PIWIL3: variants seen among roughly 807,000 people sequenced by gnomAD.
PIWIL3 encodes piwi like RNA-mediated gene silencing 3.
PIWIL3 carries 101 observed loss-of-function variants against 109.7 expected under a neutral mutation model. The observed-to-expected ratio is 0.92, with a 90% CI of 0.78 to 1.09. PIWIL3 has a LOEUF of 1.09. Ranked by LOEUF, PIWIL3 falls within the 50% of genes least tolerant of loss-of-function variation. PIWIL3 has a pLI of 0.00. For synonymous variants in PIWIL3, 373 were observed against 376.4 expected, an observed-to-expected ratio of 0.99 and a Z score of 0.10; for missense variants, 1,031 against 1,072.6, an observed-to-expected ratio of 0.96 and a Z score of 0.54.
At chr22:24,757,079 C>CA (rs71189275) in intron 4 of PIWIL3, among the ~76,000 whole-genome samples, 13,727 of 90,970 alleles carry the variant, frequency 0.15, 963 homozygotes, top group Admixed American at 0.22. Flanking sequence ...AACTCCGTCT[C>CA]AAAAAAAAAA....
intron 12 of PIWIL3, among the ~76,000 whole-genome samples, chr22:24,740,845 G>T (rs1923963451): frequency 6.6e-6 from 1 of 152,138 alleles, no homozygotes; most frequent in Non-Finnish European, 1.5e-5. Flanking sequence ...AAGAAGAATT[G>T]GTGCCAATCC....
In PIWIL3 at chr22:24,772,040, A is replaced by T. The variant is rs530323813; in HGVS notation, c.-23+2282T>A. On this transcript the variant is annotated intron_variant, in intron 1 of 20. Transcript: ENST00000616349. ...CTATAGTGCTCAGTTGGCCAACAGA[A>T]CTGTGTTGGTAGCCTACTCTTACTG... is the stretch of plus-strand genomic sequence containing the variant. Among the ~76,000 whole-genome samples the T allele has an allele frequency of 1.4e-4, 22 of 152,302 alleles. No individual in the cohort carries two copies. In the South Asian group the frequency reaches 4.6e-3, roughly 32 times the overall value.
chr22:24,772,612 C>A (rs1926191280), intron 1 of PIWIL3, among the ~76,000 whole-genome samples: 1 of 152,178 alleles, frequency 6.6e-6, no homozygotes, highest in South Asian at 2.1e-4. Flanking sequence ...TGGAGAAGAG[C>A]CCTGGCAAAG....
intron 19 of PIWIL3, among the ~76,000 whole-genome samples, 194 bp downstream of exon 19, chr22:24,722,936 G>A (rs917584054): frequency 1.3e-5 from 2 of 152,020 alleles, no homozygotes; most frequent in East Asian, 1.9e-4. Context: ...AAGAAACTTC[G>A]ACAACCAGAA....
chr22:24,723,969 C>T (rs1159946822), intron 18 of PIWIL3, among the ~76,000 whole-genome samples: 1 of 152,140 alleles, frequency 6.6e-6, no homozygotes. Flanking sequence ...TGAGCCACCA[C>T]GCCAGGCCAT....
intron 18 of PIWIL3, among the ~76,000 whole-genome samples, chr22:24,723,761 C>T (rs1199081822): frequency 6.6e-6 from 1 of 150,970 alleles, no homozygotes; most frequent in Non-Finnish European, 1.5e-5. Flanking sequence ...TGCAACCTCC[C>T]TCTCCCAAGT....
intron 8 of PIWIL3, among the ~76,000 whole-genome samples, chr22:24,753,442 A>G (rs1412489945): frequency 6.6e-6 from 1 of 152,172 alleles, no homozygotes; most frequent in Non-Finnish European, 1.5e-5. Context: ...TCAGCTGACG[A>G]AGTGGAGGGT....
intron 12 of PIWIL3, among the ~76,000 whole-genome samples, chr22:24,744,422 A>T (rs1433904534): frequency 6.6e-6 from 1 of 151,864 alleles, no homozygotes; most frequent in Non-Finnish European, 1.5e-5. Context: ...ATACAAAAAA[A>T]ATTAGCTGGG....
rs532953812 is a variant in PIWIL3, at chr22:24,730,605, G to T, written c.1708-2231C>A. On this transcript the variant is annotated intron_variant, in intron 14 of 20. Transcript: ENST00000616349. ...AAATGTTTGGGTTATCTGGATGATG[G>T]GTATACAGGGGGTATTTGTATTATT... Among the ~76,000 whole-genome samples the T allele has an allele frequency of 2.0e-5, 3 of 151,994 alleles. 1 individual carries two copies. The highest frequency in any genetic ancestry group is 7.2e-5 in the African/African-American group (3 of 41,456).
At chr22:24,772,146 A>G (rs11090344) in intron 1 of PIWIL3, among the ~76,000 whole-genome samples, 66,436 of 152,058 alleles carry the variant, frequency 0.44, 14,776 homozygotes, top group East Asian at 0.59. Flanking sequence ...AGCAATTACA[A>G]AAGAAGCAGT....
In PIWIL3 at chr22:24,755,912, T is replaced by A; in HGVS notation, c.571-7A>T. 1 of 1,582,976 alleles carries A rather than the reference T, an allele frequency of 6.3e-7. No homozygotes were observed. Among genetic ancestry groups the A allele is most frequent in the Non-Finnish European group, 8.6e-7 (1 of 1,169,564 alleles). ...TGCTCAACCATTCCACTCTCTGAGA[T>A]TAAAAAAAAACAAAAAAAAAAGTCC... is the stretch of plus-strand genomic sequence containing the variant. On this transcript the variant is annotated splice_region_variant and splice_polypyrimidine_tract_variant and intron_variant, in intron 5 of 20. Transcript: ENST00000616349.
rs558401799 is a variant in PIWIL3 at position 24,773,381 on chromosome 22, G to A, written c.-23+941C>T. 1.4e-4 allele frequency among the ~76,000 whole-genome samples: 21 copies of A among 152,274 alleles called. No individual in the cohort carries two copies. In the South Asian group the frequency reaches 4.4e-3, roughly 32 times the overall value. ...ACTTTCTCCTCTTTTCCTGTCTGCAGTGGAGGTCCCGGCAGGACCCCCTCC... is the reference window on the plus strand; with the variant it reads ...ACTTTCTCCTCTTTTCCTGTCTGCAATGGAGGTCCCGGCAGGACCCCCTCC... On this transcript the variant is annotated intron_variant, in intron 1 of 20. Transcript: ENST00000616349.
At chr22:24,764,892 AAC>A (rs1925698223) in intron 1 of PIWIL3, among the ~76,000 whole-genome samples, 1 of 152,134 alleles carries the variant, frequency 6.6e-6, no homozygotes, top group African/African-American at 2.4e-5. Flanking sequence ...TGTGAAAAGG[AAC>A]AGTGTGGTTT....
intron 9 of PIWIL3, among the ~76,000 whole-genome samples, chr22:24,750,434 G>A (rs1488620099): frequency 1.3e-5 from 2 of 149,902 alleles, no homozygotes; most frequent in African/African-American, 2.5e-5. Flanking sequence ...ACAGGGCTGA[G>A]ATTTCTAGAT....
At chr22:24,747,827 T>C (rs1924462565) in intron 12 of PIWIL3, among the ~76,000 whole-genome samples, 1 of 152,168 alleles carries the variant, frequency 6.6e-6, no homozygotes, top group Non-Finnish European at 1.5e-5. Flanking sequence ...TCATACGCAG[T>C]TGGTGGGAAT....
intron 9 of PIWIL3, among the ~76,000 whole-genome samples, chr22:24,750,346 T>C (rs995288272): frequency 6.6e-6 from 1 of 152,194 alleles, no homozygotes; most frequent in Non-Finnish European, 1.5e-5. Flanking sequence ...GATTGAGGAA[T>C]CCATGTCTTA....
chr22:24,739,307 A>G (rs892523137), intron 12 of PIWIL3, among the ~76,000 whole-genome samples: 4 of 152,218 alleles, frequency 2.6e-5, no homozygotes, highest in Non-Finnish European at 4.4e-5. Context: ...GAGATAGCAG[A>G]ACTTCCCAAA....
intron 9 of PIWIL3, among the ~76,000 whole-genome samples, chr22:24,750,867 T>C (rs1333502636): frequency 6.8e-6 from 1 of 148,034 alleles, no homozygotes; most frequent in Non-Finnish European, 1.5e-5. Context: ...CTCATGCCTG[T>C]AATCCCAGCA....
intron 12 of PIWIL3, among the ~76,000 whole-genome samples, chr22:24,740,344 C>T (rs545825150): frequency 1.3e-5 from 2 of 151,396 alleles, no homozygotes; most frequent in East Asian, 3.9e-4. Flanking sequence ...GTCAGGAGAT[C>T]GAGACCATCC....
Sources: allele counts gnomAD v4.1 joint callset (sites outside exome capture counted in the v4.1 genomes callset), GRCh38; gene constraint gnomAD v4.1.1; transcripts MANE v1.5; gene names NCBI Gene and HGNC (gene_info 2026-07-23, HGNC 2026-07-21).